LYZL2: variants seen among roughly 807,000 people sequenced by gnomAD.
LYZL2 encodes the protein lysozyme-like protein 2.
Under a neutral mutation model 17.1 loss-of-function variants are expected in LYZL2, and 13 were observed. The ratio of observed to expected loss-of-function variants is 0.76; its 90% CI spans 0.49 to 1.21. The LOEUF is 1.21. LYZL2 is among the 50% of genes most tolerant of loss of function. The pLI is 0.00. For synonymous variants in LYZL2, 63 were observed against 74.4 expected (o/e 0.85, Z 0.79); for missense variants, 166 against 189.2 (o/e 0.88, Z 0.72).
At chr10:30,617,680 A>AAAAAAAAAAAAAAAAAAAAAAG (rs1838554487) in intron 3 of LYZL2, among the ~76,000 whole-genome samples, 3 of 119,578 alleles carry the variant, frequency 2.5e-5, no homozygotes, top group East Asian at 2.1e-4. Flanking sequence ...GTCTCAAAAA[A>AAAAAAAAAAAAAAAAAAAAAAG]AAAAAAAAAA....
chr10:30,616,412 C>T (rs1331683072), intron 3 of LYZL2, among the ~76,000 whole-genome samples: 5 of 152,182 alleles, frequency 3.3e-5, no homozygotes, highest in African/African-American at 4.8e-5. Context: ...CAGCCTGGTG[C>T]GGTGGCTCAC....
chr10:30,627,434 ACC>A (rs1184698214), intron 1 of LYZL2, among the ~76,000 whole-genome samples: 4 of 151,748 alleles, frequency 2.6e-5, no homozygotes, highest in African/African-American at 9.7e-5. Context: ...CAGTGTGAAG[ACC>A]ACCAGGATGA....
chr10:30,617,270 C>A (rs1328177535), intron 3 of LYZL2, among the ~76,000 whole-genome samples: 1 of 152,156 alleles, frequency 6.6e-6, no homozygotes, highest in Non-Finnish European at 1.5e-5. Context: ...CATGCAGGAC[C>A]AGGAAGCAGA....
chr10:30,625,992 A>G (rs1441490638), intron 3 of LYZL2, 113 bp downstream of exon 3: 1 of 1,488,518 alleles, frequency 6.7e-7, no homozygotes. Context: ...GAACAGACCT[A>G]TTTGCAAGTC....
At chr10:30,617,286 C>T (rs1341066898) in intron 3 of LYZL2, among the ~76,000 whole-genome samples, 6 of 152,130 alleles carry the variant, frequency 3.9e-5, no homozygotes, top group African/African-American at 9.7e-5. Flanking sequence ...GCAGACACCG[C>T]GTAAAGTTGT....
intron 3 of LYZL2, among the ~76,000 whole-genome samples, chr10:30,614,103 G>T (rs546270328): frequency 6.6e-6 from 1 of 152,124 alleles, no homozygotes; most frequent in Non-Finnish European, 1.5e-5. Flanking sequence ...GCTTAGAAGC[G>T]GCCTCAAAAT....
chr10:30,629,297 G>A (rs1165802540), intron 1 of LYZL2, among the ~76,000 whole-genome samples: 10 of 152,024 alleles, frequency 6.6e-5, no homozygotes, highest in Non-Finnish European at 1.3e-4. Flanking sequence ...GGGAGGCTGA[G>A]GTGGGAGGAT....
At chr10:30,628,610 C>A (rs886469684) in intron 1 of LYZL2, among the ~76,000 whole-genome samples, 3 of 152,190 alleles carry the variant, frequency 2.0e-5, no homozygotes, top group Non-Finnish European at 4.4e-5. Context: ...GGATCCTGAA[C>A]TTGATGTTCT....
chr10:30,611,270 C>T (rs1472841299), downstream of LYZL2, among the ~76,000 whole-genome samples: 1 of 151,514 alleles, frequency 6.6e-6, no homozygotes, highest in Non-Finnish European at 1.5e-5. Flanking sequence ...ACCTGTAATC[C>T]CAGGACTTTG....
At chr10:30,612,441 C>T (rs1838460208) in intron 4 of LYZL2, among the ~76,000 whole-genome samples, 1 of 152,228 alleles carries the variant, frequency 6.6e-6, no homozygotes, top group East Asian at 1.9e-4. Context: ...CATTCTCTTT[C>T]CCTGCAAAAT....
At position 30,626,250 on chromosome 10, in the gene LYZL2, C is replaced by T. The variant is rs1133364; in HGVS notation, c.153G>A (p.Ala51=). 260 of 1,614,024 alleles carry T rather than the reference C, an allele frequency of 1.6e-4. 3 individuals are homozygous for T. The highest frequency in any genetic ancestry group is 1.2e-3 in the Middle Eastern group (7 of 6,060). The stretch of plus-strand genomic sequence containing the variant: ...TGGTGTTGTAGCCGCTCTCATAATA[C>T]GCCATGCAGATCCCTGGAGGGGGGA... ...GFSLGNWICM[A]YYESGYNTTA... The change falls in exon 3 of 5, where the codon GCG becomes GCA. Residue 51 remains alanine, a synonymous_variant. Transcript: ENST00000647634.
At chr10:30,626,307 C>A in intron 2 of LYZL2, 44 bp from the exon 3 acceptor site, 4 of 1,607,310 alleles carry the variant, frequency 2.5e-6, no homozygotes, top group Non-Finnish European at 3.4e-6. Flanking sequence ...GAGGTGCCAT[C>A]TTTTGCTCTA....
At chr10:30,615,461 C>G (rs1240923433) in intron 3 of LYZL2, among the ~76,000 whole-genome samples, 3 of 152,098 alleles carry the variant, frequency 2.0e-5, no homozygotes, top group East Asian at 3.8e-4. Context: ...CTATTGTGAC[C>G]ATAGTTAATT....
intron 3 of LYZL2, among the ~76,000 whole-genome samples, chr10:30,619,477 C>A (rs1323569459): frequency 6.6e-6 from 1 of 152,070 alleles, no homozygotes; most frequent in African/African-American, 2.4e-5. Context: ...CACATATACA[C>A]CATGGAATAC....
intron 1 of LYZL2, among the ~76,000 whole-genome samples, chr10:30,627,756 T>TCGG (rs1473463708): frequency 5.3e-5 from 8 of 152,128 alleles, no homozygotes; most frequent in Non-Finnish European, 8.8e-5. Flanking sequence ...TGAGCAGGCA[T>TCGG]TGGCACCCCG....
intron 3 of LYZL2, among the ~76,000 whole-genome samples, chr10:30,625,504 A>G (rs1392566121): frequency 6.7e-6 from 1 of 149,848 alleles, no homozygotes; most frequent in Non-Finnish European, 1.5e-5. Context: ...CCCCATAGCA[A>G]GACCCCACAG....
chr10:30,613,218 G>A (rs1338753510), intron 3 of LYZL2, among the ~76,000 whole-genome samples: 1 of 152,186 alleles, frequency 6.6e-6, no homozygotes, highest in East Asian at 1.9e-4. Context: ...ATAGGCACAG[G>A]CCGGGCGTGG....
At chr10:30,617,024 T>A (rs1838539153) in intron 3 of LYZL2, among the ~76,000 whole-genome samples, 1 of 152,216 alleles carries the variant, frequency 6.6e-6, no homozygotes. Context: ...AAGTGCTTAA[T>A]AAATGCTGAG....
At chr10:30,611,570 G>GGAAGGAAAGAAAGAAAGAAAGAAA (rs1491344870), downstream of LYZL2, among the ~76,000 whole-genome samples, 5 of 54,122 alleles carry the variant, frequency 9.2e-5, no homozygotes, top group Admixed American at 7.0e-4. Flanking sequence ...AAGGAAGGAA[G>GGAAGGAAAGAAAGAAAGAAAGAAA]GAAAGAAAGA....
Sources: allele counts gnomAD v4.1 joint callset (sites outside exome capture counted in the v4.1 genomes callset), GRCh38; gene constraint gnomAD v4.1.1; transcripts MANE v1.5; gene names NCBI Gene and HGNC (gene_info 2026-07-23, HGNC 2026-07-21).